The following MPI variants were observed in gnomAD, a reference collection of about 807,000 sequenced individuals.
The protein encoded by MPI is mannose-6-phosphate isomerase.
MPI carries 33 observed loss-of-function variants against 40.1 expected under a neutral mutation model. The observed-to-expected ratio is 0.82, with a 90% CI of 0.62 to 1.10. The LOEUF (loss-of-function observed/expected upper bound fraction) is 1.10, where lower values mean the gene tolerates loss of function less well. Among genes scored for constraint, MPI ranks in the 50% least tolerant of loss-of-function variants. MPI has a pLI of 0.00. For synonymous variants in MPI, 187 were observed against 207.4 expected (o/e 0.90, Z 0.85); for missense variants, 514 against 524.1 (o/e 0.98, Z 0.19).
In MPI at chr15:74,890,572, T is replaced by C. The variant is rs778966484; in HGVS notation, c.62T>C (p.Met21Thr). 1 of 1,613,966 alleles carries C rather than the reference T, an allele frequency of 6.2e-7. No individual in the cohort carries two copies. The highest frequency in any genetic ancestry group is 1.3e-5 in the African/African-American group (1 of 74,898). Residue 21 changes from methionine to threonine, a missense_variant, in exon 2 of 8, where the codon ATG (methionine) becomes ACG (threonine). Transcript: ENST00000352410. ...GTGCAGCAGTATGCCTGGGGGAAGA[T>C]GGGTTCCAACAGCGAAGTGGCGCGG... Reference protein sequence around the residue: ...CAVQQYAWGKMGSNSEVARLL... With the variant: ...CAVQQYAWGKTGSNSEVARLL...
Position 74,891,464 on chromosome 15 carries a change from A to C in MPI, c.230A>C (p.Glu77Ala). ...AAGACCCTAAGCCAGTGGATTGCTG[A>C]GAACCAGGACAGCTTGGGCTCAAAG... ...SQKTLSQWIA[E>A]NQDSLGSKVK... The change falls in exon 3 of 8, where the codon GAG becomes GCG. Residue 77 changes from glutamate to alanine, a missense_variant. Transcript: ENST00000352410. The C allele has an allele frequency of 1.2e-6, 2 of 1,614,222 alleles. No homozygotes were observed. The highest frequency in any genetic ancestry group is 1.7e-6 in the Non-Finnish European group (2 of 1,180,034).
intron 3 of MPI, 141 bp from the exon 4 acceptor site, chr15:74,892,520 C>T: frequency 1.6e-6 from 2 of 1,271,862 alleles, no homozygotes; most frequent in Non-Finnish European, 2.2e-6. Context: ...CATGCTTTGA[C>T]TGGGCTCCTT....
intron 3 of MPI, 57 bp from the exon 4 acceptor site, chr15:74,892,604 C>T: frequency 6.2e-7 from 1 of 1,609,888 alleles, no homozygotes; most frequent in Non-Finnish European, 8.5e-7. Flanking sequence ...CACTGGTGTA[C>T]CTGCTAGGTA....
At position 74,901,536 on chromosome 15, in the gene MPI, T is replaced by A. The variant is rs1408997478; in HGVS notation, c.*3806T>A. ...TGCTGTGACCAGAAGAATCTGGCAA[T>A]AGAATGGTCCATGCTGGAGTGAAGG... is the stretch of plus-strand genomic sequence containing the variant. On this transcript the variant is annotated 3_prime_UTR_variant, in exon 8 of 8. Transcript: ENST00000352410. 1 of 152,090 alleles carries A rather than the reference T, an allele frequency of 6.6e-6. No individual in the cohort carries two copies. Among genetic ancestry groups the A allele is most frequent in the Non-Finnish European group, 1.5e-5 (1 of 68,044 alleles). 9.4% of individuals were successfully genotyped at this position (152,090 alleles called of 1,614,324 possible). A position where few individuals can be genotyped will look rare whatever the true frequency, so the allele number is the denominator to read the frequency against.
intron 2 of MPI, 142 bp downstream of exon 2, chr15:74,890,796 T>G: frequency 9.1e-7 from 1 of 1,093,098 alleles, no homozygotes. Flanking sequence ...ATGGACTAGA[T>G]AGTGTTATCA....
chr15:74,895,203 C>A (rs889933270), intron 5 of MPI, among the ~76,000 whole-genome samples: 6 of 149,266 alleles, frequency 4.0e-5, no homozygotes, highest in Admixed American at 6.7e-5. Context: ...TCTCGAACTC[C>A]TGACCTCGTG....
intron 2 of MPI, 160 bp downstream of exon 2, chr15:74,890,814 G>C: frequency 1.0e-6 from 1 of 956,192 alleles, no homozygotes. Context: ...TCAAAAAGAA[G>C]AGAGGTTTTG....
chr15:74,896,766 T>A, intron 6 of MPI: 1 of 622,360 alleles, frequency 1.6e-6, no homozygotes. Flanking sequence ...GGGGTAGAAG[T>A]GGGAGACTAC....
chr15:74,890,261 G>C (rs1009233446), intron 1 of MPI, 172 bp downstream of exon 1: 1 of 1,030,254 alleles, frequency 9.7e-7, no homozygotes, highest in Non-Finnish European at 1.5e-6. Context: ...AGGGGAGGGG[G>C]CCCTTCTAGA....
intron 5 of MPI, 115 bp downstream of exon 5, chr15:74,893,435 G>C (rs1239686527): frequency 5.8e-6 from 7 of 1,210,230 alleles, no homozygotes; most frequent in South Asian, 1.2e-5. Context: ...ACTAAAAGGG[G>C]CCCCACTTAG....
At chr15:74,892,564 TG>T in intron 3 of MPI, 96 bp from the exon 4 acceptor site, 1 of 1,547,644 alleles carries the variant, frequency 6.5e-7, no homozygotes, top group Non-Finnish European at 8.8e-7. Context: ...ATCCTGCAAC[TG>T]GGGAGGGTGG....
chr15:74,896,576 T>G, intron 6 of MPI: 2 of 652,920 alleles, frequency 3.1e-6, no homozygotes, highest in Non-Finnish European at 5.5e-6. Context: ...TGCCAGTCAG[T>G]GTGGGAACCA....
chr15:74,892,839 G>T (rs746390200), intron 4 of MPI, 37 bp downstream of exon 4: 63 of 1,613,990 alleles, frequency 3.9e-5, no homozygotes, highest in Non-Finnish European at 5.1e-5. Context: ...TGCGTACTGG[G>T]CCAGGGATAC....
chr15:74,897,100 C>T lies in MPI; in HGVS notation c.934C>T (p.Leu312Phe), dbSNP rs1356646703. ...TGATGTGCCAACCCTGTGTGAAATG[C>T]TCAGCTATACCCCTAGCTCCAGCAA... ...FIDVPTLCEMLSYTPSSSKDR... is the reference protein window; with the variant it reads ...FIDVPTLCEMFSYTPSSSKDR... Residue 312 changes from leucine (L) to phenylalanine (F), a missense_variant, in exon 7 of 8, where the codon CTC becomes TTC. Leu to Phe is a conservative substitution (Grantham distance 22). Transcript: ENST00000352410. 6.2e-7 allele frequency: 1 copy of T among 1,614,092 alleles called. No individual in the cohort carries two copies. Among genetic ancestry groups the T allele is most frequent in the African/African-American group, 1.3e-5 (1 of 74,926 alleles).
Position 74,896,294 on chromosome 15 carries a change from G to C in MPI, c.813G>C (p.Glu271Asp). ...AGCCTGGGGAGGCCATGTTTCTGGA[G>C]GCCAACGTACCCCATGCCTACCTGA... ...TLKPGEAMFL[E>D]ANVPHAYLKG... The change falls in exon 6 of 8, where the codon GAG (glutamate) becomes GAC (aspartate). Residue 271 changes from glutamate to aspartate, a missense_variant. Glu to Asp is a conservative substitution (Grantham distance 45). Transcript: ENST00000352410. The C allele has an allele frequency of 6.2e-7, 1 of 1,614,164 alleles. No homozygotes were observed. The highest frequency in any genetic ancestry group is 8.5e-7 in the Non-Finnish European group (1 of 1,180,036).
chr15:74,894,008 T>G (rs2064765447), intron 5 of MPI, among the ~76,000 whole-genome samples: 1 of 150,980 alleles, frequency 6.6e-6, no homozygotes. Flanking sequence ...AGGGCATTAT[T>G]TATTTGACCC....
chr15:74,899,952 A>G lies in MPI; in HGVS notation c.*2222A>G, dbSNP rs962842174. ...CAAGCATGAGCCATTGTGCCTGGCC[A>G]AGGCCTTTAAAATCCACTGCAACAC... is the stretch of plus-strand genomic sequence containing the variant. On this transcript the variant is annotated 3_prime_UTR_variant, in exon 8 of 8. Coordinates refer to ENST00000352410, the MANE Select transcript of MPI (RefSeq NM_002435.3). 1.1e-4 allele frequency: 17 copies of G among 152,222 alleles called. No homozygotes were observed. The highest frequency in any genetic ancestry group is 4.1e-4 in the African/African-American group (17 of 41,464). 9.4% of individuals were successfully genotyped at this position (152,222 alleles called of 1,614,324 possible). A position where few individuals can be genotyped will look rare whatever the true frequency, so the allele number is the denominator to read the frequency against.
chr15:74,893,012 A>C (rs1028752026), intron 4 of MPI, 126 bp from the exon 5 acceptor site: 32 of 1,382,018 alleles, frequency 2.3e-5, no homozygotes, highest in African/African-American at 8.5e-5. Context: ...TTTCCACTGC[A>C]AAGTTTACTT....
At chr15:74,892,370 T>G (rs2064739733) in intron 3 of MPI, among the ~76,000 whole-genome samples, 1 of 152,240 alleles carries the variant, frequency 6.6e-6, no homozygotes, top group Admixed American at 6.5e-5. Context: ...CTTGTTAGTG[T>G]CAGAGCTTGG....
Sources: gnomAD v4.1 joint callset for allele counts (sites outside exome capture counted in the v4.1 genomes callset) on GRCh38, gnomAD v4.1.1 for gene constraint, MANE v1.5 for transcripts, NCBI Gene and HGNC (gene_info 2026-07-23, HGNC 2026-07-21) for gene names.